The following ASXL3 variants were observed in gnomAD, a reference collection of about 807,000 sequenced individuals.
The protein encoded by ASXL3 is putative Polycomb group protein ASXL3.
In ASXL3, 34 loss-of-function variants were observed where a neutral mutation model predicts 170.6. That is an observed-to-expected ratio of 0.20 (90% confidence interval 0.15 to 0.27). The LOEUF (loss-of-function observed/expected upper bound fraction) is 0.27, where lower values mean the gene tolerates loss of function less well. Among genes scored for constraint, ASXL3 ranks in the 10% least tolerant of loss-of-function variants. The pLI, the probability that ASXL3 is intolerant of heterozygous loss-of-function variation, is 1.00. For missense variants in ASXL3, 2,592 were observed against 2,695.3 expected (o/e 0.96, Z 0.85); for synonymous variants, 1,002 against 989.1 (o/e 1.01, Z -0.24).
intron 8 of ASXL3, among the ~76,000 whole-genome samples, chr18:33,695,908 T>A (rs2066767631): frequency 6.6e-6 from 1 of 152,164 alleles, no homozygotes; most frequent in South Asian, 2.1e-4. Context: ...CATAATTTAC[T>A]TAATAATATA....
At chr18:33,692,340 A>C (rs2066699709) in intron 8 of ASXL3, among the ~76,000 whole-genome samples, 1 of 152,106 alleles carries the variant, frequency 6.6e-6, no homozygotes, top group African/African-American at 2.4e-5. Flanking sequence ...GAGGAGGAGG[A>C]GTCCCAGACT....
In ASXL3 at chr18:33,745,088, A is replaced by G; in HGVS notation, c.5240A>G (p.Asn1747Ser). Residue 1747 changes from asparagine (N) to serine (S), a missense_variant, in exon 12 of 12, where the codon AAT (asparagine) becomes AGT (serine). Asn to Ser is a conservative substitution (Grantham distance 46, BLOSUM62 1). Transcript: ENST00000269197. The stretch of plus-strand genomic sequence containing the variant: ...CGTCTGTCCTCTGTGGAGGCTAACA[A>G]TCCGCTGGTGACGCAGTTACTACAG... Reference protein sequence around the residue: ...GCRLSSVEANNPLVTQLLQGN... With the variant: ...GCRLSSVEANSPLVTQLLQGN... 2 of 1,614,028 alleles carry G rather than the reference A, an allele frequency of 1.2e-6. No homozygotes were observed. Among genetic ancestry groups the G allele is most frequent in the Non-Finnish European group, 1.7e-6 (2 of 1,179,894 alleles).
chr18:33,678,581 A>G (rs941093763), intron 7 of ASXL3, among the ~76,000 whole-genome samples: 1 of 152,222 alleles, frequency 6.6e-6, no homozygotes. Context: ...TCATGAGATC[A>G]GTCAGGTGTC....
intron 1 of ASXL3, among the ~76,000 whole-genome samples, chr18:33,597,035 G>A (rs1217570988): frequency 6.6e-6 from 1 of 151,974 alleles, no homozygotes; most frequent in Non-Finnish European, 1.5e-5. Context: ...GGCTGATCTC[G>A]AACTCCTGAG....
intron 2 of ASXL3, among the ~76,000 whole-genome samples, chr18:33,634,007 T>C (rs2065727490): frequency 6.6e-6 from 1 of 152,160 alleles, no homozygotes; most frequent in Non-Finnish European, 1.5e-5. Context: ...TATATATGAA[T>C]GTAAATACAA....
At position 33,745,280 on chromosome 18, in the gene ASXL3, T is replaced by TGGCAG. The variant is rs2067759504; in HGVS notation, c.5435_5439dup (p.Thr1814GlnfsTer9). On this transcript the variant is annotated frameshift_variant, in exon 12 of 12. Transcript: ENST00000269197. LOFTEE classifies it high-confidence loss of function. ...CCAAATCCAGATGGTAAGGGCTACT[T>TGGCAG]GGCAGGGACTCTGGCACCACTCCAA... is the stretch of plus-strand genomic sequence containing the variant. 6.2e-7 allele frequency: 1 copy of TGGCAG among 1,613,836 alleles called. No individual in the cohort carries two copies. Among genetic ancestry groups the TGGCAG allele is most frequent in the African/African-American group, 1.3e-5 (1 of 74,914 alleles).
At chr18:33,683,625 GA>G in intron 8 of ASXL3, 57 bp downstream of exon 8, 2 of 1,495,808 alleles carry the variant, frequency 1.3e-6, no homozygotes, top group Middle Eastern at 1.8e-4. Flanking sequence ...TGATGAAGTG[GA>G]AGGTCTATTA....
intron 8 of ASXL3, 94 bp downstream of exon 8, chr18:33,683,662 A>C: frequency 8.0e-7 from 1 of 1,242,244 alleles, no homozygotes; most frequent in South Asian, 1.7e-5. Context: ...ATATGGATAT[A>C]GTAATTTCTG....
At chr18:33,713,152 T>C (rs1029220126) in intron 8 of ASXL3, among the ~76,000 whole-genome samples, 1 of 147,782 alleles carries the variant, frequency 6.8e-6, no homozygotes, top group African/African-American at 2.5e-5. Flanking sequence ...TTTGTTACTA[T>C]ACAAAATCAG....
At chr18:33,633,338 G>A (rs2065708793) in intron 2 of ASXL3, among the ~76,000 whole-genome samples, 2 of 152,078 alleles carry the variant, frequency 1.3e-5, no homozygotes, top group Admixed American at 6.6e-5. Context: ...CAAACTAAGT[G>A]TTCTGTAATA....
chr18:33,630,513 G>C (rs556250970), intron 2 of ASXL3, among the ~76,000 whole-genome samples: 1 of 151,960 alleles, frequency 6.6e-6, no homozygotes, highest in East Asian at 1.9e-4. Flanking sequence ...GAGGAGGAGA[G>C]AGGAGAAAGA....
intron 8 of ASXL3, among the ~76,000 whole-genome samples, chr18:33,692,059 AGCTTAT>A (rs1406976990): frequency 6.6e-6 from 1 of 152,224 alleles, no homozygotes; most frequent in Non-Finnish European, 1.5e-5. Context: ...TCCAACTCCA[AGCTTAT>A]GCTTTTTCTC....
At chr18:33,595,493 A>G (rs959266648) in intron 1 of ASXL3, among the ~76,000 whole-genome samples, 11 of 152,204 alleles carry the variant, frequency 7.2e-5, no homozygotes, top group Non-Finnish European at 1.2e-4. Flanking sequence ...TAATGAACAC[A>G]TTGGTCATGA....
chr18:33,634,076 T>C (rs2065729307), intron 2 of ASXL3, among the ~76,000 whole-genome samples: 1 of 152,034 alleles, frequency 6.6e-6, no homozygotes, highest in Admixed American at 6.6e-5. Context: ...AGGCAGTGGA[T>C]GGGATTGAGG....
intron 8 of ASXL3, chr18:33,690,389 G>A (rs2066669069): frequency 6.6e-6 from 1 of 152,046 alleles, no homozygotes; most frequent in African/African-American, 2.4e-5. Context: ...CTACACTTAT[G>A]TATAGGTATG....
intron 1 of ASXL3, among the ~76,000 whole-genome samples, chr18:33,591,301 G>T (rs1489593413): frequency 6.6e-6 from 1 of 151,916 alleles, no homozygotes; most frequent in East Asian, 1.9e-4. Context: ...TACTTTTTCA[G>T]CTTGGAAAGT....
At chr18:33,640,071 C>T (rs984214466) in intron 2 of ASXL3, among the ~76,000 whole-genome samples, 10 of 151,930 alleles carry the variant, frequency 6.6e-5, no homozygotes, top group Non-Finnish European at 1.2e-4. Context: ...GGATTATTCC[C>T]ATTTATGTTT....
intron 8 of ASXL3, among the ~76,000 whole-genome samples, chr18:33,712,140 C>A (rs908885418): frequency 1.3e-5 from 2 of 151,854 alleles, no homozygotes; most frequent in Non-Finnish European, 2.9e-5. Context: ...TGCAAAAATT[C>A]TTTTGTATTT....
chr18:33,690,971 T>G (rs530811125), intron 8 of ASXL3, among the ~76,000 whole-genome samples: 2 of 152,278 alleles, frequency 1.3e-5, no homozygotes, highest in African/African-American at 2.4e-5. Context: ...CTCACCCCAC[T>G]TGGCTCTGTG....
Sources: allele counts gnomAD v4.1 joint callset (sites outside exome capture counted in the v4.1 genomes callset), GRCh38; gene constraint gnomAD v4.1.1; transcripts MANE v1.5; gene names NCBI Gene and HGNC (gene_info 2026-07-23, HGNC 2026-07-21).